The following CTNNA2 variants were observed in gnomAD, a reference collection of about 807,000 sequenced individuals.
CTNNA2 encodes the protein catenin alpha 2, also known as catenin alpha-2.
In CTNNA2, 42 loss-of-function variants were observed where a neutral mutation model predicts 101.0. That is an observed-to-expected ratio of 0.42 (90% CI 0.32 to 0.54). The LOEUF is 0.54. CTNNA2 is among the 20% of genes least tolerant of loss of function. CTNNA2 has a pLI of 0.14. For synonymous variants in CTNNA2, 450 were observed against 456.4 expected, an observed-to-expected ratio of 0.99 and a Z score of 0.18; for missense variants, 871 against 1,223.1, an observed-to-expected ratio of 0.71 and a Z score of 4.29.
intron 2 of CTNNA2, among the ~76,000 whole-genome samples, chr2:79,719,628 T>A (rs1686347221): frequency 6.6e-6 from 1 of 152,324 alleles, no homozygotes; most frequent in Admixed American, 6.5e-5. Flanking sequence ...TGGTGTTGAT[T>A]TGCATTTCTA....
intron 1 of CTNNA2, among the ~76,000 whole-genome samples, chr2:79,519,787 T>A (rs138860613): frequency 1.2e-4 from 18 of 152,302 alleles, no homozygotes; most frequent in African/African-American, 3.4e-4. Flanking sequence ...CTGTCTTTTC[T>A]TATCTCTCCA....
intron 2 of CTNNA2, among the ~76,000 whole-genome samples, chr2:79,725,587 A>G (rs922690129): frequency 2.6e-5 from 4 of 152,158 alleles, no homozygotes; most frequent in Non-Finnish European, 4.4e-5. Context: ...GTTTTTTTGG[A>G]TCTCATAACT....
At chr2:79,214,711 A>C (rs1473320650) in intron 2 of CTNNA2, among the ~76,000 whole-genome samples, 1 of 151,982 alleles carries the variant, frequency 6.6e-6, no homozygotes, top group African/African-American at 2.4e-5. Context: ...TGGGTTGGGG[A>C]AAAGGGCGGC....
intron 7 of CTNNA2, among the ~76,000 whole-genome samples, chr2:80,120,226 T>C (rs1351363733): frequency 1.3e-5 from 2 of 152,230 alleles, no homozygotes; most frequent in Non-Finnish European, 2.9e-5. Context: ...AGTAATAGCT[T>C]ACTATATTTG....
intron 2 of CTNNA2, among the ~76,000 whole-genome samples, chr2:79,231,721 T>A (rs932262837): frequency 1.3e-5 from 2 of 152,170 alleles, no homozygotes; most frequent in East Asian, 3.9e-4. Context: ...ATTTATGTCA[T>A]CTCTGGTTTC....
chr2:79,947,650 T>C (rs1688592201), intron 7 of CTNNA2, among the ~76,000 whole-genome samples: 1 of 152,210 alleles, frequency 6.6e-6, no homozygotes, highest in Admixed American at 6.5e-5. Flanking sequence ...CTACTTGTCA[T>C]GGTATTGTTA....
At chr2:79,493,855 T>C (rs1422692111) in intron 4 of CTNNA2, 1 of 152,226 alleles carries the variant, frequency 6.6e-6, no homozygotes, top group Non-Finnish European at 1.5e-5. Flanking sequence ...TGATATTCCT[T>C]GTTCCTTCAG....
chr2:80,642,774 G>A (rs1369949569), intron 18 of CTNNA2, among the ~76,000 whole-genome samples: 5 of 152,134 alleles, frequency 3.3e-5, no homozygotes, highest in Non-Finnish European at 4.4e-5. Flanking sequence ...TACTTATTAC[G>A]ATGTTCTTCA....
At chr2:80,007,908 C>A (rs1424089388) in intron 7 of CTNNA2, among the ~76,000 whole-genome samples, 1 of 152,178 alleles carries the variant, frequency 6.6e-6, no homozygotes, top group African/African-American at 2.4e-5. Flanking sequence ...GATTCTTGCA[C>A]AATTCCTCAA....
At chr2:79,424,716 T>C (rs1008094099) in intron 4 of CTNNA2, among the ~76,000 whole-genome samples, 1 of 152,128 alleles carries the variant, frequency 6.6e-6, no homozygotes, top group Non-Finnish European at 1.5e-5. Flanking sequence ...GATATCTAAC[T>C]ACTACAAGCA....
In CTNNA2 at chr2:79,451,345, C is replaced by T. The variant is rs80084719; in HGVS notation, c.-134-53709C>T. Among the ~76,000 whole-genome samples, 1,512 of 152,026 alleles carry T rather than the reference C, an allele frequency of 9.9e-3. 20 individuals are homozygous for T. Among genetic ancestry groups the T allele is most frequent in the South Asian group, 0.035 (170 of 4,820 alleles). On this transcript the variant is annotated intron_variant, in intron 4 of 21. Coordinates refer to the CTNNA2 transcript ENST00000466387. Reference sequence around the variant, plus strand: ...GAGAAATTACATTATAACAAATAGCCACTATAAATTCAGATACGTTTTTGA... The same window carrying T: ...GAGAAATTACATTATAACAAATAGCTACTATAAATTCAGATACGTTTTTGA...
At chr2:80,514,653 G>C (rs1219203335) in intron 9 of CTNNA2, among the ~76,000 whole-genome samples, 3 of 152,052 alleles carry the variant, frequency 2.0e-5, no homozygotes, top group Non-Finnish European at 4.4e-5. Flanking sequence ...CTTCCTTGAA[G>C]TCAGGCCGTC....
upstream of CTNNA2, among the ~76,000 whole-genome samples, chr2:79,511,473 T>G (rs1049052599): frequency 2.6e-5 from 4 of 152,204 alleles, no homozygotes; most frequent in African/African-American, 9.6e-5. Context: ...CTCCTGTTTC[T>G]ATAGGCAGTC....
rs368200529 is a variant in CTNNA2 at position 79,772,698 on chromosome 2, A to C, written c.298+28116A>C. Among the ~76,000 whole-genome samples, 504 of 152,216 alleles carry C rather than the reference A, an allele frequency of 3.3e-3. 4 individuals are homozygous for C. The highest frequency in any genetic ancestry group is 0.016 in the South Asian group (78 of 4,808). On this transcript the variant is annotated intron_variant, in intron 3 of 18. Transcript: ENST00000402739. ...AGCGGTTCTCCTGCCCAGTCACCAG[A>C]GTAGCTAGGACCACAGGCCACCTTA...
intron 7 of CTNNA2, among the ~76,000 whole-genome samples, chr2:80,315,237 G>A (rs890980015): frequency 6.6e-6 from 1 of 152,112 alleles, no homozygotes; most frequent in African/African-American, 2.4e-5. Flanking sequence ...CTACTTTAGA[G>A]GCTGCATAAA....
intron 1 of CTNNA2, among the ~76,000 whole-genome samples, chr2:79,527,225 A>G (rs1199121264): frequency 6.6e-6 from 1 of 152,104 alleles, no homozygotes; most frequent in East Asian, 1.9e-4. Flanking sequence ...CATTTCTCCA[A>G]AGAAGATATA....
intron 1 of CTNNA2, among the ~76,000 whole-genome samples, chr2:79,551,186 T>A (rs1429544441): frequency 1.3e-5 from 2 of 152,040 alleles, no homozygotes; most frequent in Non-Finnish European, 2.9e-5. Flanking sequence ...AGGTTGAAGA[T>A]AGACCCAGGA....
chr2:79,803,625 C>T (rs1676339251), intron 3 of CTNNA2, among the ~76,000 whole-genome samples: 1 of 152,258 alleles, frequency 6.6e-6, no homozygotes, highest in Admixed American at 6.5e-5. Flanking sequence ...AACCCACAAC[C>T]TTCCAGTGCT....
intron 3 of CTNNA2, among the ~76,000 whole-genome samples, chr2:79,805,070 A>G (rs886445597): frequency 6.6e-6 from 1 of 152,150 alleles, no homozygotes; most frequent in African/African-American, 2.4e-5. Context: ...AAATGCTTTT[A>G]TGGTATACCT....
Sources: gnomAD v4.1 joint callset for allele counts (sites outside exome capture counted in the v4.1 genomes callset) on GRCh38, gnomAD v4.1.1 for gene constraint, MANE v1.5 for transcripts, NCBI Gene and HGNC (gene_info 2026-07-23, HGNC 2026-07-21) for gene names.